The following PPP2R2C variants were observed in gnomAD, a reference collection of about 807,000 sequenced individuals.
PPP2R2C encodes protein phosphatase 2 regulatory subunit Bgamma, also known as protein phosphatase 2, regulatory subunit B, gamma.
Under a neutral mutation model 45.3 loss-of-function variants are expected in PPP2R2C, and 10 were observed. That is an observed-to-expected ratio of 0.22 (90% CI 0.14 to 0.37). PPP2R2C has a LOEUF of 0.37. PPP2R2C is among the 10% of genes least tolerant of loss of function. The probability of loss-of-function intolerance (pLI) is 1.00; values close to 1 mark genes in which losing one functional copy is unlikely to be tolerated. For missense variants in PPP2R2C, 308 were observed against 619.7 expected, an observed-to-expected ratio of 0.50 and a Z score of 5.34; for synonymous variants, 257 against 245.4, an observed-to-expected ratio of 1.05 and a Z score of -0.44.
In PPP2R2C at chr4:6,326,563, A is replaced by G. The variant is rs372990759; in HGVS notation, c.1052+2699T>C. On this transcript the variant is annotated intron_variant, in intron 8 of 8. Coordinates refer to ENST00000382599, the MANE Select transcript of PPP2R2C (RefSeq NM_020416.4). ...GGCAGGCCTGCCAATAGGATAGTCC[A>G]CGCAGGATCACTGCGGCACCCCTGC... is the stretch of plus-strand genomic sequence containing the variant. Among the ~76,000 whole-genome samples the G allele has an allele frequency of 2.2e-4, 33 of 152,316 alleles. No homozygotes were observed. In the East Asian group the frequency reaches 6.2e-3, roughly 29 times the overall value.
At chr4:6,476,674 G>T (rs1577211733), upstream of PPP2R2C, among the ~76,000 whole-genome samples, 1 of 152,140 alleles carries the variant, frequency 6.6e-6, no homozygotes, top group Non-Finnish European at 1.5e-5. Flanking sequence ...CCACCCCAAA[G>T]ATAACCCCCA....
chr4:6,414,047 T>C (rs1718385457), intron 1 of PPP2R2C: 4 of 1,513,042 alleles, frequency 2.6e-6, no homozygotes, highest in Admixed American at 2.0e-5. Context: ...GAATTATGCA[T>C]GGGACAGTAA....
At chr4:6,373,584 A>G (rs1318487921) in intron 4 of PPP2R2C, among the ~76,000 whole-genome samples, 2 of 152,228 alleles carry the variant, frequency 1.3e-5, no homozygotes, top group Admixed American at 1.3e-4. Flanking sequence ...TCTAGCGCTC[A>G]GTCCAAGGCC....
chr4:6,363,102 G>A (rs1204645709), intron 5 of PPP2R2C, among the ~76,000 whole-genome samples: 4 of 152,144 alleles, frequency 2.6e-5, no homozygotes, highest in Admixed American at 6.5e-5. Context: ...GGCTCACAAC[G>A]GGGTCAGCAC....
chr4:6,498,708 C>A (rs1005883840), intron 2 of PPP2R2C, among the ~76,000 whole-genome samples: 2 of 152,182 alleles, frequency 1.3e-5, no homozygotes, highest in Admixed American at 6.5e-5. Context: ...ACCCAGACGG[C>A]AAACCCACCC....
chr4:6,513,332 C>T (rs1309503428), intron 2 of PPP2R2C, among the ~76,000 whole-genome samples: 1 of 152,138 alleles, frequency 6.6e-6, no homozygotes, highest in Non-Finnish European at 1.5e-5. Flanking sequence ...CACAGAGATG[C>T]TGTTTTCTTT....
intron 5 of PPP2R2C, among the ~76,000 whole-genome samples, chr4:6,352,525 T>C (rs920244636): frequency 6.6e-6 from 1 of 152,224 alleles, no homozygotes; most frequent in Non-Finnish European, 1.5e-5. Flanking sequence ...TGTTTTCCCA[T>C]CTAATTCCAC....
At chr4:6,547,905 A>G (rs990879831) in intron 1 of PPP2R2C, among the ~76,000 whole-genome samples, 1 of 152,206 alleles carries the variant, frequency 6.6e-6, no homozygotes, top group Non-Finnish European at 1.5e-5. Flanking sequence ...ATTTTTAACC[A>G]TGGGGGAATT....
chr4:6,367,717 T>C (rs1714456932), intron 5 of PPP2R2C, among the ~76,000 whole-genome samples: 1 of 152,206 alleles, frequency 6.6e-6, no homozygotes, highest in Non-Finnish European at 1.5e-5. Context: ...GGCTTCTCTC[T>C]GTGGTGTGAG....
At chr4:6,507,329 T>C (rs1374929572) in intron 2 of PPP2R2C, among the ~76,000 whole-genome samples, 2 of 152,144 alleles carry the variant, frequency 1.3e-5, no homozygotes, top group East Asian at 1.9e-4. Context: ...ACATGCAACA[T>C]TGGGAACATC....
intron 2 of PPP2R2C, among the ~76,000 whole-genome samples, chr4:6,532,794 C>T (rs1302461913): frequency 6.6e-6 from 1 of 152,218 alleles, no homozygotes; most frequent in Non-Finnish European, 1.5e-5. Context: ...ACATGGCCCC[C>T]GGTCCCTGTT....
intron 1 of PPP2R2C, among the ~76,000 whole-genome samples, chr4:6,442,071 C>T (rs753151284): frequency 6.6e-5 from 10 of 152,202 alleles, no homozygotes; most frequent in Non-Finnish European, 1.5e-4. Flanking sequence ...CAGAGAGGAC[C>T]GTCTCACCCT....
chr4:6,374,715 G>GGGGGCT (rs1715154612), intron 4 of PPP2R2C, among the ~76,000 whole-genome samples: 1 of 152,184 alleles, frequency 6.6e-6, no homozygotes, highest in Non-Finnish European at 1.5e-5. Context: ...CTGTTTCCTT[G>GGGGGCT]GGGGCTGGGG....
intron 1 of PPP2R2C, among the ~76,000 whole-genome samples, chr4:6,421,282 G>A (rs1180192123): frequency 1.3e-5 from 2 of 152,134 alleles, no homozygotes; most frequent in African/African-American, 4.8e-5. Flanking sequence ...CCTGAAGGCC[G>A]TGCGGGTCAG....
intron 1 of PPP2R2C, among the ~76,000 whole-genome samples, chr4:6,452,998 T>A (rs1207703795): frequency 6.6e-6 from 1 of 152,162 alleles, no homozygotes; most frequent in African/African-American, 2.4e-5. Context: ...GCGAGGCTGA[T>A]CAGGATAGAG....
intron 1 of PPP2R2C, among the ~76,000 whole-genome samples, chr4:6,537,134 C>T (rs1054037556): frequency 5.3e-5 from 8 of 151,810 alleles, no homozygotes; most frequent in African/African-American, 1.2e-4. Context: ...ACCCAGGAGG[C>T]GGAGGTCACA....
At chr4:6,531,384 G>A (rs1357973707) in intron 2 of PPP2R2C, among the ~76,000 whole-genome samples, 1 of 152,200 alleles carries the variant, frequency 6.6e-6, no homozygotes, top group Admixed American at 6.5e-5. Context: ...GCAAAAGGCC[G>A]AGGTGCAGGA....
intron 2 of PPP2R2C, among the ~76,000 whole-genome samples, chr4:6,509,716 C>T (rs1723364551): frequency 6.6e-6 from 1 of 152,228 alleles, no homozygotes; most frequent in Non-Finnish European, 1.5e-5. Flanking sequence ...GTTCAACAAA[C>T]ACTCATGGAA....
chr4:6,521,957 T>A lies in PPP2R2C; in HGVS notation c.49+13314A>T, dbSNP rs554697059. ...CTACTTTGCTCTTATTGGGTTCTGT[T>A]CTCCCCAAGAGGCAAGGGGGCCCCT... On this transcript the variant is annotated intron_variant, in intron 2 of 9. Coordinates refer to the PPP2R2C transcript ENST00000506140. Among the ~76,000 whole-genome samples, 9 of 152,210 alleles carry A rather than the reference T, an allele frequency of 5.9e-5. No homozygotes were observed. The East Asian group carries it at 1.5e-3, about 26-fold the overall frequency.
Sources: allele counts gnomAD v4.1 joint callset (sites outside exome capture counted in the v4.1 genomes callset), GRCh38; gene constraint gnomAD v4.1.1; transcripts MANE v1.5; gene names NCBI Gene and HGNC (gene_info 2026-07-23, HGNC 2026-07-21).